CLEC12B: variants seen among roughly 807,000 people sequenced by gnomAD.
The protein encoded by CLEC12B is C-type lectin domain family 12 member B.
CLEC12B carries 25 observed loss-of-function variants against 36.1 expected under a neutral mutation model. The ratio of observed to expected loss-of-function variants is 0.69; its 90% CI spans 0.50 to 0.97. The LOEUF (loss-of-function observed/expected upper bound fraction) is 0.97. Ranked by LOEUF, CLEC12B falls within the 50% of genes least tolerant of loss-of-function variation. The pLI, the probability that CLEC12B is intolerant of heterozygous loss-of-function variation, is 0.00. For missense variants in CLEC12B, 325 were observed against 318.4 expected (o/e 1.02, Z -0.16); for synonymous variants, 110 against 108.5 (o/e 1.01, Z -0.09).
At chr12:10,018,306 T>C (rs1158046899) in intron 5 of CLEC12B, 25 bp from the exon 6 acceptor site, 3 of 1,299,604 alleles carry the variant, frequency 2.3e-6, no homozygotes, top group Admixed American at 2.5e-5. Flanking sequence ...ACAGAATTTA[T>C]AATTAATTTT....
At chr12:10,011,887 G>C (rs529810723) in intron 1 of CLEC12B, among the ~76,000 whole-genome samples, 1 of 152,272 alleles carries the variant, frequency 6.6e-6, no homozygotes, top group African/African-American at 2.4e-5. Context: ...TAACCTGTGA[G>C]GAAAAAGGAG....
At chr12:10,008,790 T>C (rs376769414), upstream of CLEC12B, among the ~76,000 whole-genome samples, 6 of 152,200 alleles carry the variant, frequency 3.9e-5, no homozygotes, top group East Asian at 7.7e-4. Flanking sequence ...CATCATTTCA[T>C]GGATAGTGAG....
At chr12:10,009,947 A>G (rs1865283766), upstream of CLEC12B, among the ~76,000 whole-genome samples, 1 of 152,144 alleles carries the variant, frequency 6.6e-6, no homozygotes, top group Non-Finnish European at 1.5e-5. Flanking sequence ...CTGCTGTAAC[A>G]AATTACCACA....
rs1345140660 is a variant in CLEC12B at position 10,017,129 on chromosome 12, A to G, written c.681-1202A>G. 5.1e-6 allele frequency: 5 copies of G among 985,104 alleles called. No homozygotes were observed. In the African/African-American group the frequency reaches 8.7e-5, roughly 17 times the overall value. 61.0% of individuals were successfully genotyped at this position (985,104 alleles called of 1,614,324 possible). On this transcript the variant is annotated intron_variant, in intron 5 of 5. Transcript: ENST00000338896. ...TACACTTTATCTTCATCCATTTCCCAATGTTTTGTCATGGCTATTTCTACT... is the reference window on the plus strand; with the variant it reads ...TACACTTTATCTTCATCCATTTCCCGATGTTTTGTCATGGCTATTTCTACT...
intron 2 of CLEC12B, among the ~76,000 whole-genome samples, chr12:10,013,968 A>C (rs1310509489): frequency 6.6e-6 from 1 of 152,232 alleles, no homozygotes; most frequent in Non-Finnish European, 1.5e-5. Context: ...TCTAAAATTT[A>C]GTGCTTTTGG....
chr12:10,016,525 C>A (rs766980070), intron 5 of CLEC12B: 3 of 288,486 alleles, frequency 1.0e-5, no homozygotes, highest in African/African-American at 6.8e-5. Context: ...TTGAGGAACA[C>A]CTCTCATCAT....
intron 2 of CLEC12B, among the ~76,000 whole-genome samples, chr12:10,013,922 G>C (rs569289388): frequency 6.6e-6 from 1 of 152,168 alleles, no homozygotes; most frequent in Non-Finnish European, 1.5e-5. Flanking sequence ...AATAACGTAC[G>C]TCCATTGGTT....
upstream of CLEC12B, among the ~76,000 whole-genome samples, chr12:10,010,032 A>T (rs1865285946): frequency 6.6e-6 from 1 of 152,170 alleles, no homozygotes. Context: ...GGATTATCCC[A>T]TGGTTGTTGT....
chr12:10,018,390 A>T lies in CLEC12B; in HGVS notation c.740A>T (p.Lys247Ile). ...NGSKGCAYFQ[K>I]GNIYISRCSA... ...TCCAAAGGATGTGCTTATTTTCAAA[A>T]AGGAAATATTTATATTTCTCGCTGT... The change falls in exon 6 of 6, where the codon AAA becomes ATA. Residue 247 changes from lysine (K) to isoleucine (I), a missense_variant. Physicochemically the swap from Lys to Ile is moderately radical, Grantham distance 102. Coordinates refer to ENST00000338896, the MANE Select transcript of CLEC12B (RefSeq NM_001129998.3). The T allele has an allele frequency of 6.5e-7, 1 of 1,545,264 alleles. No homozygotes were observed. Among genetic ancestry groups the T allele is most frequent in the Non-Finnish European group, 8.8e-7 (1 of 1,141,428 alleles).
chr12:10,007,039 A>C, upstream of CLEC12B, among the ~76,000 whole-genome samples: 1 of 152,036 alleles, frequency 6.6e-6, no homozygotes, highest in African/African-American at 2.4e-5. Flanking sequence ...TGGGCAACAG[A>C]GCTAGACTCT....
At position 10,015,323 on chromosome 12, in the gene CLEC12B, G is replaced by A. The variant is rs553395368; in HGVS notation, c.481G>A (p.Glu161Lys). Residue 161 changes from glutamate (E) to lysine (K), a missense_variant, in exon 4 of 6, where the codon GAG becomes AAG. Physicochemically the swap from Glu to Lys is moderately conservative, Grantham distance 56 (BLOSUM62 1). Coordinates refer to ENST00000338896, the MANE Select transcript of CLEC12B (RefSeq NM_001129998.3). The part of the protein sequence containing the change: ...QNSCYYFTTN[E>K]EKTWANSRKD... ...TAGTTGCTACTATTTTACAACAAAT[G>A]AGGAGAAAACCTGGGCTAACAGTAG... 3.7e-6 allele frequency: 6 copies of A among 1,613,424 alleles called. No individual in the cohort carries two copies. Among genetic ancestry groups the A allele is most frequent in the East Asian group, 4.5e-5 (2 of 44,864 alleles).
intron 2 of CLEC12B, among the ~76,000 whole-genome samples, chr12:10,014,242 A>C (rs1400414649): frequency 1.3e-5 from 2 of 152,222 alleles, no homozygotes; most frequent in South Asian, 2.1e-4. Context: ...CATGAAAATG[A>C]GTGGCAGAAT....
intron 5 of CLEC12B, chr12:10,017,502 C>A (rs564940330): frequency 3.0e-6 from 3 of 985,352 alleles, no homozygotes; most frequent in East Asian, 1.1e-4. Context: ...GTGGCCCCCA[C>A]AGCAGGGTTT....
Position 10,015,697 on chromosome 12 carries a change from G to C in CLEC12B, c.650G>C (p.Trp217Ser). The change falls in exon 5 of 6, where the codon TGG becomes TCG. Residue 217 changes from tryptophan (W) to serine (S), a missense_variant. Coordinates refer to ENST00000338896, the MANE Select transcript of CLEC12B (RefSeq NM_001129998.3). ...GACTCCTCTGGCAGAAGTTGGTTCTGGGAAGATGGCTCTGTTCCCTCTCCA... is the reference window on the plus strand; with the variant it reads ...GACTCCTCTGGCAGAAGTTGGTTCTCGGAAGATGGCTCTGTTCCCTCTCCA... Reference protein sequence around the residue: ...SWDSSGRSWFWEDGSVPSPSL... With the variant: ...SWDSSGRSWFSEDGSVPSPSL... 1 of 1,613,688 alleles carries C rather than the reference G, an allele frequency of 6.2e-7. No individual in the cohort carries two copies. The highest frequency in any genetic ancestry group is 1.3e-5 in the African/African-American group (1 of 74,994).
chr12:10,008,925 C>G (rs1865262048), upstream of CLEC12B, among the ~76,000 whole-genome samples: 1 of 152,130 alleles, frequency 6.6e-6, no homozygotes, highest in Non-Finnish European at 1.5e-5. Context: ...CTTCCTGAAT[C>G]GAGTGGGGAC....
chr12:10,017,401 T>C, intron 5 of CLEC12B: 1 of 985,408 alleles, frequency 1.0e-6, no homozygotes, highest in Non-Finnish European at 1.2e-6. Flanking sequence ...CATTCAGTTT[T>C]CATGTTGGAA....
upstream of CLEC12B, among the ~76,000 whole-genome samples, chr12:10,006,244 G>A (rs1865223414): frequency 6.6e-6 from 1 of 152,184 alleles, no homozygotes; most frequent in Non-Finnish European, 1.5e-5. Flanking sequence ...ATTTTTTGAT[G>A]TGTTAAGCTA....
At chr12:10,011,909 G>C (rs933629295) in intron 1 of CLEC12B, among the ~76,000 whole-genome samples, 1 of 152,150 alleles carries the variant, frequency 6.6e-6, no homozygotes, top group Non-Finnish European at 1.5e-5. Flanking sequence ...TGTGGATATG[G>C]TGCATATCAC....
Position 10,013,122 on chromosome 12 carries a change from C to G in CLEC12B, c.190+239C>G, listed in dbSNP as rs867432641. 3.2e-4 allele frequency: 156 copies of G among 490,066 alleles called. No homozygotes were observed. The Middle Eastern group carries it at 5.0e-3, about 16-fold the overall frequency. 30.4% of individuals were successfully genotyped at this position (490,066 alleles called of 1,614,324 possible). A position where few individuals can be genotyped will look rare whatever the true frequency, so the allele number is the denominator to read the frequency against. On this transcript the variant is annotated intron_variant, in intron 2 of 5. Transcript: ENST00000338896. ...GCTAAACTGGACTTAGACAAAGACT[C>G]TTTGTTTCCAGTTATTCATTAGAAT...
Sources: gnomAD v4.1 joint callset for allele counts (sites outside exome capture counted in the v4.1 genomes callset) on GRCh38, gnomAD v4.1.1 for gene constraint, MANE v1.5 for transcripts, NCBI Gene and HGNC (gene_info 2026-07-23, HGNC 2026-07-21) for gene names.